Variants in LRR1 observed in about 807,000 individuals in gnomAD.
LRR1 encodes leucine-rich repeat protein 1.
Under a neutral mutation model 31.6 loss-of-function variants are expected in LRR1, and 29 were observed. The observed-to-expected ratio is 0.92, with a 90% confidence interval of 0.68 to 1.25. LRR1 has a LOEUF of 1.25. Among genes scored for constraint, LRR1 ranks in the 50% most tolerant of loss-of-function variants. The pLI is 0.00. For synonymous variants in LRR1, 179 were observed against 181.4 expected (o/e 0.99, Z 0.10); for missense variants, 485 against 487.2 (o/e 1.00, Z 0.04).
intron 2 of LRR1, among the ~76,000 whole-genome samples, chr14:49,606,909 G>A (rs905789509): frequency 2.6e-5 from 4 of 151,948 alleles, no homozygotes; most frequent in Admixed American, 1.3e-4. Context: ...CACCTGCCTC[G>A]GCCTCCCAAA....
intron 1 of LRR1, chr14:49,599,967 G>T (rs1450252074): frequency 7.7e-6 from 12 of 1,561,738 alleles, no homozygotes; most frequent in Non-Finnish European, 9.6e-6. Flanking sequence ...GGGGGACCAT[G>T]CCCGGAGGCC....
chr14:49,608,980 C>G (rs1238466347), intron 3 of LRR1, among the ~76,000 whole-genome samples: 1 of 138,384 alleles, frequency 7.2e-6, no homozygotes, highest in Non-Finnish European at 1.5e-5. Context: ...GCGAAGCGAT[C>G]TCGGCTCACT....
chr14:49,614,119 T>G (rs573063120), intron 3 of LRR1, 137 bp from the exon 4 acceptor site: 43 of 844,420 alleles, frequency 5.1e-5, no homozygotes, highest in Middle Eastern at 3.7e-4. Context: ...ATATGTCATA[T>G]ATTGTTTTTT....
intron 2 of LRR1, among the ~76,000 whole-genome samples, chr14:49,603,188 A>G (rs1882136386): frequency 6.7e-6 from 1 of 149,438 alleles, no homozygotes; most frequent in African/African-American, 2.5e-5. Context: ...ACATTCTGCT[A>G]TCCCATATAG....
chr14:49,606,033 CTTT>C (rs544111582), intron 2 of LRR1, among the ~76,000 whole-genome samples: 2 of 124,466 alleles, frequency 1.6e-5, no homozygotes, highest in Non-Finnish European at 3.4e-5. Flanking sequence ...TTTTTTTTTT[CTTT>C]TTTTTTTTTT....
intron 3 of LRR1, among the ~76,000 whole-genome samples, chr14:49,610,249 T>G (rs1246754739): frequency 1.1e-5 from 1 of 89,750 alleles, no homozygotes; most frequent in African/African-American, 4.8e-5. Context: ...TGTTGAGGGT[T>G]TTTTTTTTTT....
chr14:49,605,700 A>G (rs1882254452), intron 2 of LRR1, among the ~76,000 whole-genome samples: 2 of 152,198 alleles, frequency 1.3e-5, no homozygotes, highest in Admixed American at 6.5e-5. Context: ...TCCCCAAAAT[A>G]AAGGCTTTAT....
chr14:49,609,251 G>A (rs1315237402), intron 3 of LRR1, among the ~76,000 whole-genome samples: 5 of 67,872 alleles, frequency 7.4e-5, no homozygotes, highest in South Asian at 3.4e-4. Context: ...TTTGAGACAG[G>A]GTCTCACTCT....
At chr14:49,599,367 C>A (rs373490939) in intron 1 of LRR1, among the ~76,000 whole-genome samples, 164 bp downstream of exon 1, 5 of 152,350 alleles carry the variant, frequency 3.3e-5, no homozygotes, top group African/African-American at 1.2e-4. Context: ...ACCCCAGGGT[C>A]CTGTGCGTCT....
intron 3 of LRR1, among the ~76,000 whole-genome samples, chr14:49,612,246 C>G (rs1421103957): frequency 6.6e-6 from 1 of 152,276 alleles, no homozygotes; most frequent in East Asian, 1.9e-4. Flanking sequence ...TGTAAGATGA[C>G]TGAACCTTTG....
intron 2 of LRR1, among the ~76,000 whole-genome samples, chr14:49,603,006 T>C (rs1050035327): frequency 6.6e-6 from 1 of 151,350 alleles, no homozygotes; most frequent in African/African-American, 2.4e-5. Context: ...TGGCTGATTT[T>C]TTTTTTTTTT....
intron 1 of LRR1, among the ~76,000 whole-genome samples, chr14:49,599,786 G>T (rs1279280199): frequency 1.4e-5 from 2 of 146,504 alleles, no homozygotes; most frequent in Non-Finnish European, 3.0e-5. Context: ...GCGGGGATCC[G>T]GGCGGCGACC....
chr14:49,609,775 G>A (rs1009476175), intron 3 of LRR1, among the ~76,000 whole-genome samples: 4 of 151,460 alleles, frequency 2.6e-5, no homozygotes, highest in African/African-American at 9.7e-5. Context: ...GCATGATCTC[G>A]GCTCAACTAT....
chr14:49,601,096 C>T, intron 1 of LRR1: 3 of 1,611,222 alleles, frequency 1.9e-6, no homozygotes, highest in Non-Finnish European at 2.5e-6. Context: ...AAAGGTCGCT[C>T]CAAGCGTACA....
In LRR1 at chr14:49,612,981, C is replaced by G. The variant is rs566013984; in HGVS notation, c.1005-1275C>G. Among the ~76,000 whole-genome samples the G allele has an allele frequency of 1.2e-4, 19 of 152,214 alleles. No individual in the cohort carries two copies. The South Asian group carries it at 3.5e-3, about 28-fold the overall frequency. ...TTGGGAGGCCGAGGTGGGCGGATCA[C>G]TTGAGGTCAGGAGTTCAAGACCAGC... is the stretch of plus-strand genomic sequence containing the variant. On this transcript the variant is annotated intron_variant, in intron 3 of 3. Coordinates refer to ENST00000298288, the MANE Select transcript of LRR1 (RefSeq NM_152329.4).
At chr14:49,600,578 G>T in intron 1 of LRR1, 2 of 1,571,782 alleles carry the variant, frequency 1.3e-6, no homozygotes, top group South Asian at 1.2e-5. Context: ...AAAAAGAATA[G>T]GATCAAGATG....
intron 3 of LRR1, among the ~76,000 whole-genome samples, chr14:49,612,119 T>G (rs1882536392): frequency 6.6e-6 from 1 of 152,144 alleles, no homozygotes; most frequent in Non-Finnish European, 1.5e-5. Context: ...ATGATCAAAA[T>G]GTGATATAAT....
At chr14:49,606,087 T>TG (rs1882270356) in intron 2 of LRR1, among the ~76,000 whole-genome samples, 1 of 151,290 alleles carries the variant, frequency 6.6e-6, no homozygotes, top group African/African-American at 2.4e-5. Context: ...CGTGCAGTCT[T>TG]GCGATCTTGG....
At chr14:49,604,921 A>G (rs1345977758) in intron 2 of LRR1, among the ~76,000 whole-genome samples, 2 of 151,408 alleles carry the variant, frequency 1.3e-5, no homozygotes, top group African/African-American at 4.9e-5. Context: ...TTGATGAGAC[A>G]AGGTCTCACT....
Sources: gnomAD v4.1 joint callset for allele counts (sites outside exome capture counted in the v4.1 genomes callset) on GRCh38, gnomAD v4.1.1 for gene constraint, MANE v1.5 for transcripts, NCBI Gene and HGNC (gene_info 2026-07-23, HGNC 2026-07-21) for gene names.